EML2: variants seen among roughly 807,000 people sequenced by gnomAD.
The protein encoded by EML2 is EMAP like 2.
In EML2, 59 loss-of-function variants were observed where a neutral mutation model predicts 84.7. That is an observed-to-expected ratio of 0.70 (90% confidence interval 0.56 to 0.86). The LOEUF (loss-of-function observed/expected upper bound fraction) is 0.86. Ranked by LOEUF, EML2 falls within the 40% of genes least tolerant of loss-of-function variation. The probability of loss-of-function intolerance (pLI) is 0.00; values close to 1 mark genes in which losing one functional copy is unlikely to be tolerated. For synonymous variants in EML2, 352 were observed against 348.9 expected, an observed-to-expected ratio of 1.01 and a Z score of -0.10; for missense variants, 818 against 855.6, an observed-to-expected ratio of 0.96 and a Z score of 0.55.
chr19:45,637,641 G>T (rs1972279383), intron 3 of EML2, among the ~76,000 whole-genome samples: 1 of 146,010 alleles, frequency 6.8e-6, no homozygotes, highest in Non-Finnish European at 1.5e-5. Context: ...CACCATGGCT[G>T]GCTATTTTTT....
At chr19:45,643,595 C>G (rs990635715), upstream of EML2, 2 of 1,536,158 alleles carry the variant, frequency 1.3e-6, no homozygotes, top group African/African-American at 2.7e-5. Flanking sequence ...TCATTGCTGA[C>G]CACAACCAAG....
chr19:45,619,326 A>G lies in EML2; in HGVS notation c.1123-135T>C, dbSNP rs925894663. 7.4e-6 allele frequency: 9 copies of G among 1,208,830 alleles called. No homozygotes were observed. The Admixed American group carries it at 2.2e-4, about 30-fold the overall frequency. The allele number at this position is 1,208,830 out of a possible 1,614,324, so 74.9% of individuals were successfully genotyped here. ...GCGGGACCCAGGGAAGACCTTTCCC[A>G]GTATGTCTGAAGGGGGCCTCAATTG... On this transcript the variant is annotated intron_variant, in intron 11 of 18. Transcript: ENST00000245925.
Position 45,619,102 on chromosome 19 carries a change from C to A in EML2, c.1212G>T (p.Trp404Cys), listed in dbSNP as rs1219973512. ...ACAGGGGCTGGTGGGAATCTGAGCT[C>A]CATAGATGCACCAGCTTATCCTGCC... The part of the protein sequence containing the change: ...TCGQDKLVHL[W>C]SSDSHQPLWS... The change falls in exon 12 of 19, where the codon TGG (tryptophan) becomes TGT (cysteine). Residue 404 changes from tryptophan to cysteine, a missense_variant. Physicochemically the swap from Trp to Cys is radical, Grantham distance 215 (BLOSUM62 -2). Transcript: ENST00000245925. 1 of 1,613,556 alleles carries A rather than the reference C, an allele frequency of 6.2e-7. No homozygotes were observed. The highest frequency in any genetic ancestry group is 1.3e-5 in the African/African-American group (1 of 75,030).
At chr19:45,616,660 T>A in intron 14 of EML2, 102 bp from the exon 15 acceptor site, 4 of 1,379,690 alleles carry the variant, frequency 2.9e-6, no homozygotes, top group Non-Finnish European at 4.1e-6. Flanking sequence ...CCCCACTGCA[T>A]CCCTCCTAGG....
intron 18 of EML2, 139 bp downstream of exon 18, chr19:45,613,402 G>T: frequency 2.0e-6 from 2 of 1,009,404 alleles, no homozygotes; most frequent in Non-Finnish European, 2.8e-6. Flanking sequence ...AGGCCCTTGG[G>T]ATCAAGACTA....
intron 16 of EML2, among the ~76,000 whole-genome samples, 163 bp downstream of exon 16, chr19:45,615,639 A>G (rs922421886): frequency 6.6e-6 from 1 of 152,034 alleles, no homozygotes; most frequent in Non-Finnish European, 1.5e-5. Flanking sequence ...AGTGGGGTAT[A>G]CCAGGGAGAA....
intron 14 of EML2, 88 bp from the exon 15 acceptor site, chr19:45,616,646 C>T: frequency 1.4e-6 from 2 of 1,384,608 alleles, no homozygotes; most frequent in Non-Finnish European, 2.0e-6. Context: ...GTCCCCAGCT[C>T]CATCCCCACT....
intron 2 of EML2, 21 bp downstream of exon 2, chr19:45,638,824 C>T (rs774583284): frequency 6.2e-7 from 1 of 1,613,656 alleles, no homozygotes; most frequent in South Asian, 1.1e-5. Flanking sequence ...CCACCGAGCC[C>T]TTCCCCATCT....
chr19:45,632,755 C>A (rs1317301486), intron 6 of EML2, 106 bp downstream of exon 6: 1 of 976,460 alleles, frequency 1.0e-6, no homozygotes, highest in Non-Finnish European at 1.5e-6. Flanking sequence ...GGCCACGCCT[C>A]CAGCAGGATT....
chr19:45,622,893 C>G (rs1971873559), intron 9 of EML2, among the ~76,000 whole-genome samples: 1 of 146,838 alleles, frequency 6.8e-6, no homozygotes, highest in Admixed American at 6.8e-5. Flanking sequence ...TAAAAAAATA[C>G]AAAAAATTAG....
At chr19:45,644,704 C>A (rs965790356), upstream of EML2, 2 of 455,958 alleles carry the variant, frequency 4.4e-6, no homozygotes, top group African/African-American at 4.0e-5. Context: ...CCTATCTCCC[C>A]TCACCTGAGC....
At chr19:45,639,734 C>G (rs1974229829), upstream of EML2, among the ~76,000 whole-genome samples, 1 of 152,174 alleles carries the variant, frequency 6.6e-6, no homozygotes, top group African/African-American at 2.4e-5. Context: ...TGGCTCATGC[C>G]TGTAATCCCA....
chr19:45,626,598 C>T, intron 8 of EML2, 107 bp downstream of exon 8: 1 of 1,319,822 alleles, frequency 7.6e-7, no homozygotes, highest in Non-Finnish European at 1.0e-6. Context: ...CTCAGCGTCC[C>T]TGTAATCCCA....
chr19:45,616,115 A>C (rs1971027087), intron 15 of EML2: 5 of 579,392 alleles, frequency 8.6e-6, no homozygotes, highest in Non-Finnish European at 1.5e-5. Context: ...CTTAGAACAC[A>C]ATGGGAGTTT....
intron 18 of EML2, 93 bp from the exon 19 acceptor site, chr19:45,609,881 C>T (rs1600044018): frequency 2.9e-6 from 4 of 1,382,436 alleles, no homozygotes; most frequent in African/African-American, 1.5e-5. Context: ...CTTTTCTGCT[C>T]TTCCTCTTTT....
At position 45,624,740 on chromosome 19, in the gene EML2, T is replaced by C. The variant is rs761874461; in HGVS notation, c.820A>G (p.Asn274Asp). The C allele has an allele frequency of 6.2e-7, 1 of 1,613,414 alleles. No individual in the cohort carries two copies. Among genetic ancestry groups the C allele is most frequent in the South Asian group, 1.1e-5 (1 of 91,028 alleles). ...GDVVTGDSGG[N>D]LYVWGKGGNR... is the part of the protein sequence containing the mutation. ...TGACCTTTGCCCCAAACATAGAGGTTCCCCCCAGAGTCCCCCGTGACCACG... is the reference window on the plus strand; with the variant it reads ...TGACCTTTGCCCCAAACATAGAGGTCCCCCCCAGAGTCCCCCGTGACCACG... The change falls in exon 9 of 19, where the codon AAC (asparagine) becomes GAC (aspartate). Residue 274 changes from asparagine to aspartate, a missense_variant. Physicochemically the swap from Asn to Asp is conservative, Grantham distance 23. Transcript: ENST00000245925.
chr19:45,615,669 C>G, intron 16 of EML2, 133 bp downstream of exon 16: 1 of 761,182 alleles, frequency 1.3e-6, no homozygotes, highest in South Asian at 1.7e-5. Flanking sequence ...CCAGCGGTCC[C>G]TAAATTCCAA....
chr19:45,638,367 T>A, intron 3 of EML2, 138 bp downstream of exon 3: 1 of 1,231,046 alleles, frequency 8.1e-7, no homozygotes, highest in Non-Finnish European at 1.2e-6. Context: ...TTTTGTGTGT[T>A]GCCCAGGCAG....
At chr19:45,641,828 A>T, upstream of EML2, 1 of 1,506,112 alleles carries the variant, frequency 6.6e-7, no homozygotes, top group South Asian at 1.2e-5. Flanking sequence ...TTCTCCCTGC[A>T]CCCTCTGCTG....
Sources: gnomAD v4.1 joint callset for allele counts (sites outside exome capture counted in the v4.1 genomes callset) on GRCh38, gnomAD v4.1.1 for gene constraint, MANE v1.5 for transcripts, NCBI Gene and HGNC (gene_info 2026-07-23, HGNC 2026-07-21) for gene names.